The following SDCBP variants were observed in gnomAD, a reference collection of about 807,000 sequenced individuals.
SDCBP encodes syndecan binding protein.
SDCBP carries 22 observed loss-of-function variants against 30.5 expected under a neutral mutation model. The ratio of observed to expected loss-of-function variants is 0.72; its 90% CI spans 0.52 to 1.03. The LOEUF is 1.03. Among genes scored for constraint, SDCBP ranks in the 50% least tolerant of loss-of-function variants. SDCBP has a pLI of 0.00. For missense variants in SDCBP, 304 were observed against 369.9 expected (o/e 0.82, Z 1.46); for synonymous variants, 103 against 118.7 (o/e 0.87, Z 0.86).
intron 7 of SDCBP, 98 bp downstream of exon 7, chr8:58,579,892 G>T (rs1805586398): frequency 8.6e-7 from 1 of 1,156,840 alleles, no homozygotes; most frequent in African/African-American, 1.6e-5. Flanking sequence ...TGACTTAGGT[G>T]GGAGATGGGG....
At chr8:58,579,839 A>G in intron 7 of SDCBP, 45 bp downstream of exon 7, 1 of 1,529,324 alleles carries the variant, frequency 6.5e-7, no homozygotes, top group Non-Finnish European at 8.8e-7. Flanking sequence ...GTTTTAGAAA[A>G]TGTCTGTCTT....
At position 58,565,082 on chromosome 8, in the gene SDCBP, CAG is replaced by C; in HGVS notation, c.50_51del (p.Gln17ArgfsTer46). 3 of 1,543,386 alleles carry C rather than the reference CAG, an allele frequency of 1.9e-6. No individual in the cohort carries two copies. Among genetic ancestry groups the C allele is most frequent in the Non-Finnish European group, 2.7e-6 (3 of 1,125,732 alleles). On this transcript the variant is annotated frameshift_variant and splice_region_variant, in exon 2 of 9. Coordinates refer to ENST00000260130, the MANE Select transcript of SDCBP (RefSeq NM_005625.4). LOFTEE classifies it high-confidence loss of function. ...LEDLKVDKVI[Q>X]AQTAFSANPA... ...AGACTTGAAGGTAGACAAAGTAATT[CAG>C]GTATGATAGTTTAAATACTTTTGTC...
Position 58,553,297 on chromosome 8 carries a change from G to C in SDCBP, c.-22G>C, listed in dbSNP as rs923542625. On this transcript the variant is annotated 5_prime_UTR_variant, in exon 1 of 9. Coordinates refer to ENST00000260130, the MANE Select transcript of SDCBP (RefSeq NM_005625.4). ...GCGGCGGCGGCGAGCGGTTCCTTGT[G>C]GGCTAGGTGAGAGGCCAAGGGGGCA... The C allele has an allele frequency of 6.5e-6, 1 of 154,476 alleles. No individual in the cohort carries two copies. Among genetic ancestry groups the C allele is most frequent in the Non-Finnish European group, 1.4e-5 (1 of 69,952 alleles). The allele number at this position is 154,476 out of a possible 1,614,324, so 9.6% of individuals were successfully genotyped here. A position where few individuals can be genotyped will look rare whatever the true frequency, so the allele number is the denominator to read the frequency against.
intron 2 of SDCBP, among the ~76,000 whole-genome samples, chr8:58,565,366 G>A (rs756506868): frequency 8.6e-5 from 13 of 151,510 alleles, no homozygotes; most frequent in Admixed American, 7.9e-4. Flanking sequence ...TATTTGAGTT[G>A]ACAAAATATA....
intron 7 of SDCBP, among the ~76,000 whole-genome samples, 196 bp from the exon 8 acceptor site, chr8:58,580,321 A>C (rs1805618019): frequency 6.6e-6 from 1 of 152,192 alleles, no homozygotes; most frequent in Non-Finnish European, 1.5e-5. Flanking sequence ...TTTTGGTTAA[A>C]ATATTCAACT....
At position 58,581,814 on chromosome 8, in the gene SDCBP, G is replaced by C. The variant is rs1420584782; in HGVS notation, c.*74G>C. On this transcript the variant is annotated 3_prime_UTR_variant, in exon 9 of 9. Coordinates refer to ENST00000260130, the MANE Select transcript of SDCBP (RefSeq NM_005625.4). Reference sequence around the variant, plus strand: ...TTGGCAACTTCTGTATTATGCACGTGAAGCCTTCCCGGAGCCAGCGAGCAT... The same window carrying C: ...TTGGCAACTTCTGTATTATGCACGTCAAGCCTTCCCGGAGCCAGCGAGCAT... The C allele has an allele frequency of 6.4e-6, 8 of 1,259,228 alleles. No individual in the cohort carries two copies. Among genetic ancestry groups the C allele is most frequent in the African/African-American group, 2.9e-5 (2 of 67,872 alleles). The allele number at this position is 1,259,228 out of a possible 1,614,324, so 78.0% of individuals were successfully genotyped here.
chr8:58,580,615 A>G lies in SDCBP; in HGVS notation c.842+7A>G, dbSNP rs1438647401. On this transcript the variant is annotated splice_region_variant and intron_variant, in intron 8 of 8. Transcript: ENST00000260130. Reference sequence around the variant, plus strand: ...TTGAACATATTATTAAGCGGTAAGTAAACAATTCCTCAACTTAATGCATAT... The same window carrying G: ...TTGAACATATTATTAAGCGGTAAGTGAACAATTCCTCAACTTAATGCATAT... The G allele has an allele frequency of 5.1e-6, 7 of 1,368,408 alleles. No homozygotes were observed. Among genetic ancestry groups the G allele is most frequent in the Non-Finnish European group, 6.3e-6 (6 of 956,834 alleles). 84.8% of individuals were successfully genotyped at this position (1,368,408 alleles called of 1,614,324 possible).
intron 2 of SDCBP, among the ~76,000 whole-genome samples, chr8:58,570,525 T>A (rs2129607950): frequency 6.6e-6 from 1 of 152,256 alleles, no homozygotes; most frequent in South Asian, 2.1e-4. Context: ...AAATAAAATA[T>A]TTTTACTTGG....
chr8:58,580,144 G>C (rs1319109819), intron 7 of SDCBP, among the ~76,000 whole-genome samples: 1 of 152,108 alleles, frequency 6.6e-6, no homozygotes, highest in Non-Finnish European at 1.5e-5. Flanking sequence ...TATTTTTATA[G>C]TTTTTCTCCT....
intron 6 of SDCBP, 92 bp downstream of exon 6, chr8:58,578,300 C>T: frequency 1.1e-6 from 1 of 932,098 alleles, no homozygotes; most frequent in Non-Finnish European, 1.6e-6. Flanking sequence ...TATTTTGTTG[C>T]AGAAAATGAT....
rs187994676 is a variant in SDCBP, at chr8:58,568,256, C to T, written c.52-2631C>T. Among the ~76,000 whole-genome samples the T allele has an allele frequency of 7.9e-5, 12 of 151,968 alleles. No homozygotes were observed. The East Asian group carries it at 1.5e-3, about 20-fold the overall frequency. On this transcript the variant is annotated intron_variant, in intron 2 of 8. Coordinates refer to ENST00000260130, the MANE Select transcript of SDCBP (RefSeq NM_005625.4). The stretch of plus-strand genomic sequence containing the variant: ...TTTTAAATTTTTAGTTTTTAAAAAT[C>T]GCTTGTAAGTTTGTTAAAAACTGAG...
At chr8:58,574,831 A>G (rs1585704155) in intron 4 of SDCBP, among the ~76,000 whole-genome samples, 2 of 152,212 alleles carry the variant, frequency 1.3e-5, no homozygotes, top group Non-Finnish European at 2.9e-5. Context: ...TTATTAACGT[A>G]TCTGTCATCT....
intron 1 of SDCBP, among the ~76,000 whole-genome samples, chr8:58,559,553 A>AT (rs968375399): frequency 1.2e-3 from 177 of 146,908 alleles, no homozygotes; most frequent in African/African-American, 2.2e-3. Context: ...AAGAATGTGA[A>AT]TTTTTTTTTT....
intron 8 of SDCBP, 151 bp downstream of exon 8, chr8:58,580,759 G>T: frequency 1.7e-6 from 1 of 599,756 alleles, no homozygotes; most frequent in Non-Finnish European, 2.9e-6. Flanking sequence ...AAATCAGAGG[G>T]TTGGTAAGGA....
intron 1 of SDCBP, among the ~76,000 whole-genome samples, chr8:58,556,332 C>G (rs1014654045): frequency 1.3e-5 from 2 of 152,190 alleles, no homozygotes; most frequent in Admixed American, 6.5e-5. Flanking sequence ...TGCCACTGAT[C>G]TGACAGGAGC....
chr8:58,581,985 A>C lies in SDCBP; in HGVS notation c.*245A>C, dbSNP rs539674908. On this transcript the variant is annotated 3_prime_UTR_variant, in exon 9 of 9. Coordinates refer to ENST00000260130, the MANE Select transcript of SDCBP (RefSeq NM_005625.4). ...TCAAGAGATTTACTGACTTTCCTAG[A>C]ATAGTTTCTCTACTGGAAACCTGAT... is the stretch of plus-strand genomic sequence containing the variant. The C allele has an allele frequency of 3.3e-5, 16 of 483,284 alleles. No homozygotes were observed. The highest frequency in any genetic ancestry group is 3.0e-4 in the African/African-American group (15 of 50,822). 29.9% of individuals were successfully genotyped at this position (483,284 alleles called of 1,614,324 possible). A position where few individuals can be genotyped will look rare whatever the true frequency, so the allele number is the denominator to read the frequency against.
At chr8:58,556,859 A>G (rs927129844) in intron 1 of SDCBP, among the ~76,000 whole-genome samples, 3 of 124,926 alleles carry the variant, frequency 2.4e-5, no homozygotes, top group Non-Finnish European at 5.1e-5. Flanking sequence ...TGTATTATAT[A>G]TAACATATAT....
Position 58,575,955 on chromosome 8 carries a change from A to G in SDCBP, c.296A>G (p.Asn99Ser). ...TATATGGTGGCTCCTGTAACTGGTA[A>G]TGATGTTGGAATTCGTAGAGCAGAA... is the stretch of plus-strand genomic sequence containing the variant. ...INYMVAPVTG[N>S]DVGIRRAEIK... Residue 99 changes from asparagine (N) to serine (S), a missense_variant, in exon 5 of 9, where the codon AAT becomes AGT. Asn to Ser is a conservative substitution (Grantham distance 46). Coordinates refer to ENST00000260130, the MANE Select transcript of SDCBP (RefSeq NM_005625.4). 6.2e-7 allele frequency: 1 copy of G among 1,613,618 alleles called. No individual in the cohort carries two copies. Among genetic ancestry groups the G allele is most frequent in the Non-Finnish European group, 8.5e-7 (1 of 1,179,674 alleles).
chr8:58,555,977 A>C (rs1804075607), intron 1 of SDCBP, among the ~76,000 whole-genome samples: 3 of 152,188 alleles, frequency 2.0e-5, no homozygotes, highest in Non-Finnish European at 4.4e-5. Context: ...AAATTTTAAT[A>C]ACTGCTTCAA....
Sources: allele counts gnomAD v4.1 joint callset (sites outside exome capture counted in the v4.1 genomes callset), GRCh38; gene constraint gnomAD v4.1.1; transcripts MANE v1.5; gene names NCBI Gene and HGNC (gene_info 2026-07-23, HGNC 2026-07-21).